The following CDON variants were observed in gnomAD, a reference collection of about 807,000 sequenced individuals.
CDON encodes cell adhesion molecule-related/down-regulated by oncogenes.
Under a neutral mutation model 120.9 loss-of-function variants are expected in CDON, and 73 were observed. The ratio of observed to expected loss-of-function variants is 0.60; its 90% CI spans 0.50 to 0.73. The LOEUF (loss-of-function observed/expected upper bound fraction) is 0.73, where lower values mean the gene tolerates loss of function less well. CDON is among the 30% of genes least tolerant of loss of function. The pLI, the probability that CDON is intolerant of heterozygous loss-of-function variation, is 0.00. For synonymous variants in CDON, 566 were observed against 573.5 expected (o/e 0.99, Z 0.19); for missense variants, 1,470 against 1,587.3 (o/e 0.93, Z 1.26).
intron 18 of CDON, among the ~76,000 whole-genome samples, chr11:125,970,331 C>T (rs546335027): frequency 2.7e-4 from 41 of 151,998 alleles, no homozygotes; most frequent in South Asian, 1.0e-3. Flanking sequence ...CGCGCCACCA[C>T]GCCTGGCTGA....
intron 18 of CDON, among the ~76,000 whole-genome samples, chr11:125,970,842 T>C (rs928748900): frequency 9.8e-5 from 15 of 152,308 alleles, no homozygotes; most frequent in African/African-American, 1.4e-4. Context: ...GCGCTAGGTC[T>C]CCATCTTAGA....
intron 14 of CDON, among the ~76,000 whole-genome samples, chr11:125,992,187 C>G (rs749393676): frequency 6.6e-6 from 1 of 152,062 alleles, no homozygotes; most frequent in South Asian, 2.1e-4. Flanking sequence ...CTGCCCTAAA[C>G]CCAGTGAAAT....
intron 15 of CDON, among the ~76,000 whole-genome samples, chr11:125,985,320 T>C (rs141175009): frequency 0.029 from 4,341 of 152,216 alleles, 85 homozygotes; most frequent in African/African-American, 0.052. Context: ...ATTACACACA[T>C]GTGCCCCCAC....
At position 126,001,994 on chromosome 11, in the gene CDON, CATAA is replaced by C. The variant is rs1690174949; in HGVS notation, c.2027-148_2027-145del. 1.8e-5 allele frequency: 12 copies of C among 678,722 alleles called. No individual in the cohort carries two copies. In the South Asian group the frequency reaches 2.0e-4, roughly 11 times the overall value. The allele number at this position is 678,722 out of a possible 1,614,324, so 42.0% of individuals were successfully genotyped here. ...CAGCATCTAAATGTAAGACCTACTT[CATAA>C]ATACTTAGCTGATCTGAGGAACTGA... is the stretch of plus-strand genomic sequence containing the variant. On this transcript the variant is annotated intron_variant, in intron 10 of 19. Transcript: ENST00000531738.
At chr11:126,002,563 C>T (rs557675103) in intron 10 of CDON, among the ~76,000 whole-genome samples, 1 of 152,294 alleles carries the variant, frequency 6.6e-6, no homozygotes, top group South Asian at 2.1e-4. Flanking sequence ...TCATTTACAG[C>T]CAAGCCACGA....
chr11:125,973,018 C>CTTTTTTTTTTTT lies in CDON; in HGVS notation c.3356+5274_3356+5285dup, dbSNP rs35828939. Among the ~76,000 whole-genome samples the CTTTTTTTTTTTT allele has an allele frequency of 1.0e-3, 87 of 87,034 alleles. 3 individuals carry two copies. The highest frequency in any genetic ancestry group is 2.6e-3 in the African/African-American group (63 of 24,598). The allele number at this position is 87,034 out of a possible 152,430, so 57.1% of individuals were successfully genotyped here. ...TGGCCTCTTCAACCAATTACTTGGT[C>CTTTTTTTTTTTT]TTTTTTTTTTTTTTTTTTTTTTTTA... On this transcript the variant is annotated intron_variant, in intron 18 of 19. Transcript: ENST00000531738.
intron 18 of CDON, among the ~76,000 whole-genome samples, chr11:125,967,240 GT>G (rs1452444443): frequency 6.6e-6 from 1 of 152,162 alleles, no homozygotes; most frequent in African/African-American, 2.4e-5. Flanking sequence ...CTGGAAAGTC[GT>G]AAAAGTCCTA....
At chr11:125,963,827 G>C (rs1018732724) in intron 18 of CDON, among the ~76,000 whole-genome samples, 1 of 152,168 alleles carries the variant, frequency 6.6e-6, no homozygotes, top group African/African-American at 2.4e-5. Flanking sequence ...GCCTGATTTA[G>C]ATGTAACCTA....
At chr11:125,975,133 T>C (rs546051292) in intron 18 of CDON, among the ~76,000 whole-genome samples, 1 of 152,372 alleles carries the variant, frequency 6.6e-6, no homozygotes, top group East Asian at 1.9e-4. Context: ...CCCCAGTGTT[T>C]CTCAACATTT....
chr11:126,060,654 G>A (rs557650164), intron 1 of CDON, among the ~76,000 whole-genome samples: 33 of 152,260 alleles, frequency 2.2e-4, no homozygotes, highest in Admixed American at 5.2e-4. Context: ...GCAGATGGGC[G>A]AAGTGGGAAA....
chr11:126,046,428 A>C (rs142362111), intron 1 of CDON, among the ~76,000 whole-genome samples: 1,861 of 152,298 alleles, frequency 0.012, 36 homozygotes, highest in African/African-American at 0.042. Context: ...AGACCTGTAG[A>C]CCAGTGACAA....
At chr11:125,996,035 G>A (rs1257812188) in intron 12 of CDON, among the ~76,000 whole-genome samples, 1 of 152,110 alleles carries the variant, frequency 6.6e-6, no homozygotes, top group Non-Finnish European at 1.5e-5. Flanking sequence ...GAACAAACGC[G>A]TGTTCATCAC....
At chr11:125,991,799 T>A (rs1946638960) in intron 14 of CDON, among the ~76,000 whole-genome samples, 1 of 152,174 alleles carries the variant, frequency 6.6e-6, no homozygotes. Context: ...CACAGCATAG[T>A]GAAGTCCACT....
intron 1 of CDON, among the ~76,000 whole-genome samples, chr11:126,041,524 T>C (rs1453192813): frequency 6.6e-6 from 1 of 152,188 alleles, no homozygotes; most frequent in African/African-American, 2.4e-5. Context: ...CTACAACATA[T>C]GAACTTCTGT....
At position 125,958,593 on chromosome 11, in the gene CDON, T is replaced by TGTGTG. The variant is rs1565482671; in HGVS notation, c.*2348_*2349insCACAC. On this transcript the variant is annotated 3_prime_UTR_variant, in exon 20 of 20. Transcript: ENST00000531738. ...TGTGTGTGTGTGTGTGTGTGTGTGT[T>TGTGTG]TATATATATATATTTATATATTTCA... The TGTGTG allele has an allele frequency of 1.9e-5, 2 of 103,174 alleles. No homozygotes were observed. The highest frequency in any genetic ancestry group is 4.4e-5 in the African/African-American group (1 of 22,740). The allele number at this position is 103,174 out of a possible 1,614,324, so 6.4% of individuals were successfully genotyped here.
chr11:125,988,181 T>C (rs1016303047), intron 15 of CDON, among the ~76,000 whole-genome samples: 4 of 152,016 alleles, frequency 2.6e-5, no homozygotes, highest in African/African-American at 7.3e-5. Flanking sequence ...TGGGGCTGAA[T>C]TGTGGCTAAT....
intron 1 of CDON, among the ~76,000 whole-genome samples, chr11:126,035,223 C>A (rs1449739733): frequency 6.6e-6 from 1 of 152,094 alleles, no homozygotes; most frequent in Non-Finnish European, 1.5e-5. Flanking sequence ...TTCAAATATA[C>A]ACAGTCAAGC....
intron 7 of CDON, among the ~76,000 whole-genome samples, chr11:126,014,332 T>C (rs1235573715): frequency 6.6e-6 from 1 of 152,170 alleles, no homozygotes; most frequent in Non-Finnish European, 1.5e-5. Flanking sequence ...AGGCCCAACT[T>C]TACTTGTAAT....
At chr11:125,999,633 T>C (rs1946883756) in intron 11 of CDON, among the ~76,000 whole-genome samples, 1 of 152,202 alleles carries the variant, frequency 6.6e-6, no homozygotes, top group Non-Finnish European at 1.5e-5. Flanking sequence ...TCTTGGTAAA[T>C]GGTCTTCTGG....
Sources: allele counts gnomAD v4.1 joint callset (sites outside exome capture counted in the v4.1 genomes callset), GRCh38; gene constraint gnomAD v4.1.1; transcripts MANE v1.5; gene names NCBI Gene and HGNC (gene_info 2026-07-23, HGNC 2026-07-21).